Variants in GPR135 observed in about 807,000 individuals in gnomAD.
The protein encoded by GPR135 is G protein-coupled receptor 135.
A neutral mutation model predicts 15.0 loss-of-function variants in GPR135; 17 were observed. That is an observed-to-expected ratio of 1.13 (90% CI 0.78 to 1.70). GPR135 has a LOEUF of 1.70. Among genes scored for constraint, GPR135 ranks in the 40% most tolerant of loss-of-function variants. The pLI, the probability that GPR135 is intolerant of heterozygous loss-of-function variation, is 0.00. For synonymous variants in GPR135, 368 were observed against 349.4 expected (o/e 1.05, Z -0.59); for missense variants, 776 against 727.0 (o/e 1.07, Z -0.78).
Position 59,464,375 on chromosome 14 carries a change from G to A in GPR135, c.852C>T (p.Ala284=). Residue 284 remains alanine, a synonymous_variant, in exon 1 of 1, where the codon GCC becomes GCT. Transcript: ENST00000395116. ...GAAFSVGLVV[A]CYLLPFLLMC... ...TGAGCAGGAAGGGCAGCAGGTAGCA[G>A]GCCACCACCAGCCCCACGCTGAAGG... 2.5e-6 allele frequency: 4 copies of A among 1,606,354 alleles called. No individual in the cohort carries two copies. The highest frequency in any genetic ancestry group is 2.5e-6 in the Non-Finnish European group (3 of 1,177,122).
rs1212317301 is a variant in GPR135 at position 59,464,074 on chromosome 14, C to T, written c.1153G>A (p.Val385Ile). ...TTGGGATTGCGGATGGCGTAGATGA[C>T]AGGGTTGATGGCCCCATTGGCCCAG... ...LTWANGAINP[V>I]IYAIRNPNIS... The change falls in exon 1 of 1, where the codon GTC becomes ATC. Residue 385 changes from valine to isoleucine, a missense_variant. Val to Ile is a conservative substitution (Grantham distance 29). Transcript: ENST00000395116. 2.5e-6 allele frequency: 4 copies of T among 1,613,072 alleles called. No individual in the cohort carries two copies. The highest frequency in any genetic ancestry group is 2.5e-6 in the Non-Finnish European group (3 of 1,180,028).
At chr14:59,457,590 A>T (rs1259308917), downstream of GPR135, among the ~76,000 whole-genome samples, 1 of 152,042 alleles carries the variant, frequency 6.6e-6, no homozygotes, top group Non-Finnish European at 1.5e-5. Context: ...TGCCAGTTCA[A>T]ATTTACTGTT....
In GPR135 at chr14:59,465,164, G is replaced by A. The variant is rs1196190130; in HGVS notation, c.63C>T (p.Ser21=). ...ASMALLGSQH[S]GAPSAAGPPG... is the part of the protein sequence containing the mutation. ...GTGGGCCGGCCGCGGAGGGGGCGCC[G>A]GAGTGCTGGCTGCCCAGTAAGGCCA... Residue 21 remains serine (S), a synonymous_variant, in exon 1 of 1, where the codon TCC becomes TCT. Coordinates refer to ENST00000395116, the MANE Select transcript of GPR135 (RefSeq NM_022571.6). The A allele has an allele frequency of 3.0e-6, 4 of 1,330,150 alleles. No homozygotes were observed. The highest frequency in any genetic ancestry group is 3.1e-5 in the East Asian group (1 of 32,388). The allele number at this position is 1,330,150 out of a possible 1,614,324, so 82.4% of individuals were successfully genotyped here.
In GPR135 at chr14:59,464,591, A is replaced by G; in HGVS notation, c.636T>C (p.Ala212=). 1 of 1,588,606 alleles carries G rather than the reference A, an allele frequency of 6.3e-7. No individual in the cohort carries two copies. The highest frequency in any genetic ancestry group is 8.5e-7 in the Non-Finnish European group (1 of 1,175,182). ...VALISLDRYC[A]IVRPPREKIG... is the part of the protein sequence containing the mutation. The stretch of plus-strand genomic sequence containing the variant: ...TCTTCTCCCGCGGCGGCCGCACGAT[A>G]GCGCAGTAACGGTCCAACGAGATGA... Residue 212 remains alanine, a synonymous_variant, in exon 1 of 1, where the codon GCT becomes GCC. Transcript: ENST00000395116.
At chr14:59,458,577 G>A (rs996056589), downstream of GPR135, among the ~76,000 whole-genome samples, 7 of 151,940 alleles carry the variant, frequency 4.6e-5, no homozygotes, top group Admixed American at 2.6e-4. Flanking sequence ...ACTCCTATGC[G>A]AACTCTCTGA....
At chr14:59,454,022 T>C (rs772807543) in intron 6 of GPR135, among the ~76,000 whole-genome samples, 1 of 152,160 alleles carries the variant, frequency 6.6e-6, no homozygotes, top group South Asian at 2.1e-4. Context: ...TGATAATTAA[T>C]ATTGAGTTTC....
chr14:59,465,240 G>C lies in GPR135; in HGVS notation c.-14C>G. 1 of 1,231,446 alleles carries C rather than the reference G, an allele frequency of 8.1e-7. No individual in the cohort carries two copies. Among genetic ancestry groups the C allele is most frequent in the Non-Finnish European group, 1.0e-6 (1 of 987,686 alleles). The allele number at this position is 1,231,446 out of a possible 1,614,324, so 76.3% of individuals were successfully genotyped here. On this transcript the variant is annotated 5_prime_UTR_variant, in exon 1 of 1. Transcript: ENST00000395116. ...CGGCTCCTCCATGGGGCCCAGTGGC[G>C]GCCGCGGATCTCCTCATCCCGCACC...
At position 59,464,750 on chromosome 14, in the gene GPR135, G is replaced by A. The variant is rs1320447474; in HGVS notation, c.477C>T (p.Ala159=). The change falls in exon 1 of 1, where the codon GCC becomes GCT. Residue 159 remains alanine (A), a synonymous_variant. Coordinates refer to ENST00000395116, the MANE Select transcript of GPR135 (RefSeq NM_022571.6). ...DLLTALLCLP[A]AFLDLFTPPG... ...GCGGAGTGAAGAGGTCCAGGAAGGCGGCGGGCAGGCAGAGCAGCGCCGTGA... is the reference window on the plus strand; with the variant it reads ...GCGGAGTGAAGAGGTCCAGGAAGGCAGCGGGCAGGCAGAGCAGCGCCGTGA... 1.3e-6 allele frequency: 2 copies of A among 1,567,444 alleles called. No individual in the cohort carries two copies. The highest frequency in any genetic ancestry group is 1.7e-6 in the Non-Finnish European group (2 of 1,156,444).
chr14:59,459,316 C>T (rs566973920), downstream of GPR135, among the ~76,000 whole-genome samples: 1 of 152,184 alleles, frequency 6.6e-6, no homozygotes, highest in African/African-American at 2.4e-5. Flanking sequence ...TCTTAAAAAG[C>T]AGCCTGTGAC....
chr14:59,455,387 A>T (rs1594889372), intron 6 of GPR135, among the ~76,000 whole-genome samples: 3 of 152,296 alleles, frequency 2.0e-5, no homozygotes, highest in African/African-American at 7.2e-5. Flanking sequence ...TGCAACCTAT[A>T]AGAAGGGGTT....
At position 59,463,948 on chromosome 14, in the gene GPR135, G is replaced by A. The variant is rs1436660254; in HGVS notation, c.1279C>T (p.Arg427Cys). 6.2e-7 allele frequency: 1 copy of A among 1,614,014 alleles called. No individual in the cohort carries two copies. Among genetic ancestry groups the A allele is most frequent in the Non-Finnish European group, 8.5e-7 (1 of 1,179,998 alleles). The change falls in exon 1 of 1, where the codon CGC becomes TGC. Residue 427 changes from arginine (R) to cysteine (C), a missense_variant. Transcript: ENST00000395116. ...GCATAGCGGTTTCGAAGGCGACTGC[G>A]GCTTCTGGCTTGCAGACCCGGGCCC... is the stretch of plus-strand genomic sequence containing the variant. Reference protein sequence around the residue: ...SQGPGLQARSRSRLRNRYANR... With the variant: ...SQGPGLQARSCSRLRNRYANR...
chr14:59,453,252 T>C (rs549591060), intron 6 of GPR135, among the ~76,000 whole-genome samples: 1 of 152,350 alleles, frequency 6.6e-6, no homozygotes, highest in African/African-American at 2.4e-5. Context: ...CAATGTGTCA[T>C]TGTAGGTTTA....
chr14:59,459,372 T>G (rs549220531), downstream of GPR135, among the ~76,000 whole-genome samples: 1 of 152,084 alleles, frequency 6.6e-6, no homozygotes, highest in Non-Finnish European at 1.5e-5. Flanking sequence ...TGAGGTGGAG[T>G]AATAATTTTT....
At chr14:59,459,265 AATATCAAAAC>A (rs1398521120), downstream of GPR135, among the ~76,000 whole-genome samples, 9 of 152,352 alleles carry the variant, frequency 5.9e-5, no homozygotes, top group African/African-American at 1.9e-4. Flanking sequence ...TTGACCCAAC[AATATCAAAAC>A]ATATCAAAAA....
At chr14:59,457,241 G>T (rs572393086), downstream of GPR135, among the ~76,000 whole-genome samples, 65 of 152,244 alleles carry the variant, frequency 4.3e-4, 1 homozygote, top group Admixed American at 8.5e-4. Context: ...ATTTTCCTTT[G>T]TCTTTGTCTC....
Position 59,464,070 on chromosome 14 carries a change from A to C in GPR135, c.1157T>G (p.Ile386Ser), listed in dbSNP as rs1412879093. 4.3e-6 allele frequency: 7 copies of C among 1,613,272 alleles called. No homozygotes were observed. Among genetic ancestry groups the C allele is most frequent in the Non-Finnish European group, 5.9e-6 (7 of 1,180,006 alleles). The change falls in exon 1 of 1, where the codon ATC (isoleucine) becomes AGC (serine). Residue 386 changes from isoleucine to serine, a missense_variant. Transcript: ENST00000395116. ...TWANGAINPV[I>S]YAIRNPNISM... ...AATGTTGGGATTGCGGATGGCGTAG[A>C]TGACAGGGTTGATGGCCCCATTGGC... is the stretch of plus-strand genomic sequence containing the variant.
rs1307634739 is a variant in GPR135 at position 59,465,184 on chromosome 14, A to G, written c.43T>C (p.Leu15=). Residue 15 remains leucine (L), a synonymous_variant, in exon 1 of 1, where the codon TTA becomes CTA. Coordinates refer to ENST00000395116, the MANE Select transcript of GPR135 (RefSeq NM_022571.6). Reference sequence around the variant, plus strand: ...GCGCCGGAGTGCTGGCTGCCCAGTAAGGCCATGCTCGCTGGTGGGCGGGGC... The same window carrying G: ...GCGCCGGAGTGCTGGCTGCCCAGTAGGGCCATGCTCGCTGGTGGGCGGGGC... The part of the protein sequence containing the change: ...QPPRPPASMA[L]LGSQHSGAPS... 2 of 1,277,414 alleles carry G rather than the reference A, an allele frequency of 1.6e-6. No homozygotes were observed. The highest frequency in any genetic ancestry group is 1.5e-5 in the African/African-American group (1 of 64,558). The allele number at this position is 1,277,414 out of a possible 1,614,324, so 79.1% of individuals were successfully genotyped here.
rs1224302556 is a variant in GPR135, at chr14:59,462,825, T to C, written c.*917A>G. 6.6e-6 allele frequency: 1 copy of C among 152,176 alleles called. No homozygotes were observed. The highest frequency in any genetic ancestry group is 1.9e-4 in the East Asian group (1 of 5,200). The allele number at this position is 152,176 out of a possible 1,614,324, so 9.4% of individuals were successfully genotyped here. A position where few individuals can be genotyped will look rare whatever the true frequency, so the allele number is the denominator to read the frequency against. Reference sequence around the variant, plus strand: ...CATCACTCACCTTATTCAATCAACTTGACTTCAAATTACATTTTTGGCTAT... The same window carrying C: ...CATCACTCACCTTATTCAATCAACTCGACTTCAAATTACATTTTTGGCTAT... On this transcript the variant is annotated 3_prime_UTR_variant, in exon 1 of 1. Transcript: ENST00000395116.
chr14:59,456,393 T>C (rs150925182), downstream of GPR135: 7 of 152,348 alleles, frequency 4.6e-5, no homozygotes, highest in East Asian at 1.4e-3. Flanking sequence ...CTTCAGTTTG[T>C]TTTAAATGTT....
Sources: allele counts gnomAD v4.1 joint callset (sites outside exome capture counted in the v4.1 genomes callset), GRCh38; gene constraint gnomAD v4.1.1; transcripts MANE v1.5; gene names NCBI Gene and HGNC (gene_info 2026-07-23, HGNC 2026-07-21).